The following USP4 variants were observed in gnomAD, a reference collection of about 807,000 sequenced individuals.
USP4 encodes the protein ubiquitin carboxyl-terminal hydrolase 4.
USP4 carries 72 observed loss-of-function variants against 118.2 expected under a neutral mutation model. The observed-to-expected ratio is 0.61, with a 90% CI of 0.50 to 0.74. USP4 has a LOEUF of 0.74. USP4 is among the 30% of genes least tolerant of loss of function. The probability of loss-of-function intolerance (pLI) is 0.00; values close to 1 mark genes in which losing one functional copy is unlikely to be tolerated. For synonymous variants in USP4, 415 were observed against 440.4 expected, an observed-to-expected ratio of 0.94 and a Z score of 0.72; for missense variants, 1,037 against 1,185.7, an observed-to-expected ratio of 0.87 and a Z score of 1.84.
At chr3:49,288,926 A>T (rs2047126180) in intron 15 of USP4, among the ~76,000 whole-genome samples, 1 of 152,098 alleles carries the variant, frequency 6.6e-6, no homozygotes, top group Non-Finnish European at 1.5e-5. Context: ...CCTGGGAAAC[A>T]TGCAGAAACC....
Position 49,298,526 on chromosome 3 carries a change from G to A in USP4, c.1596+26C>T, listed in dbSNP as rs776121887. 1.9e-5 allele frequency: 31 copies of A among 1,609,748 alleles called. 2 individuals are homozygous for A. The highest frequency in any genetic ancestry group is 3.3e-4 in the Middle Eastern group (2 of 6,054). ...TGCTATGAAGTATCCCAAATAGACC[G>A]AGTGCCACTGATCACCCCGCCTTAC... On this transcript the variant is annotated intron_variant, in intron 12 of 21. Coordinates refer to ENST00000265560, the MANE Select transcript of USP4 (RefSeq NM_003363.4).
Position 49,303,146 on chromosome 3 carries a change from C to T in USP4, c.1129-604G>A, listed in dbSNP as rs2047277710. ...AGCACTCCCAGAGATTGTGATGCAT[C>T]CTATGGAGAACCAGCCAGGCACGGT... On this transcript the variant is annotated intron_variant, in intron 9 of 21. Transcript: ENST00000265560. Among the ~76,000 whole-genome samples, 3 of 152,066 alleles carry T rather than the reference C, an allele frequency of 2.0e-5. No homozygotes were observed. In the South Asian group the frequency reaches 6.2e-4, roughly 31 times the overall value.
intron 19 of USP4, among the ~76,000 whole-genome samples, chr3:49,282,564 A>G (rs1396021599): frequency 6.6e-6 from 1 of 152,152 alleles, no homozygotes; most frequent in Admixed American, 6.6e-5. Flanking sequence ...GGTGTGAGCC[A>G]CTGCGCCCAG....
At chr3:49,309,260 G>A (rs2047355138) in intron 8 of USP4, among the ~76,000 whole-genome samples, 1 of 151,986 alleles carries the variant, frequency 6.6e-6, no homozygotes, top group Admixed American at 6.6e-5. Flanking sequence ...GGGTGGTCTT[G>A]GAAACCTGCA....
intron 19 of USP4, among the ~76,000 whole-genome samples, chr3:49,282,795 C>T (rs1449864000): frequency 6.6e-6 from 1 of 151,558 alleles, no homozygotes; most frequent in Non-Finnish European, 1.5e-5. Flanking sequence ...GCAACCTCCG[C>T]CTAGTGGGTT....
At chr3:49,295,069 C>T (rs1418780018) in intron 13 of USP4, among the ~76,000 whole-genome samples, 12 of 152,018 alleles carry the variant, frequency 7.9e-5, no homozygotes, top group Admixed American at 7.9e-4. Flanking sequence ...GCGGGCGGAT[C>T]ACGAGGTCAG....
chr3:49,323,081 C>A (rs950742497), intron 6 of USP4, among the ~76,000 whole-genome samples: 16 of 151,378 alleles, frequency 1.1e-4, no homozygotes, highest in African/African-American at 3.9e-4. Flanking sequence ...GATTCTCCTG[C>A]CTCAGCCTCC....
intron 3 of USP4, among the ~76,000 whole-genome samples, chr3:49,326,260 T>C (rs957335899): frequency 1.3e-5 from 2 of 151,978 alleles, no homozygotes; most frequent in Non-Finnish European, 2.9e-5. Flanking sequence ...GAGGCTGCAG[T>C]GAGCCAAGAT....
chr3:49,323,695 C>T (rs997692188), intron 6 of USP4, among the ~76,000 whole-genome samples: 2 of 152,112 alleles, frequency 1.3e-5, no homozygotes, highest in African/African-American at 4.8e-5. Context: ...GACCTAGGAG[C>T]CCACTACTAT....
intron 2 of USP4, among the ~76,000 whole-genome samples, chr3:49,330,202 A>AC (rs71077790): frequency 2.9e-4 from 43 of 148,876 alleles, no homozygotes; most frequent in Admixed American, 7.4e-4. Flanking sequence ...AAACAAACAA[A>AC]AAAAGTTGAA....
chr3:49,295,714 G>GCACGCA (rs2047199803), intron 13 of USP4, among the ~76,000 whole-genome samples: 1 of 148,320 alleles, frequency 6.7e-6, no homozygotes, highest in Non-Finnish European at 1.5e-5. Flanking sequence ...GCGCGCGCGC[G>GCACGCA]CACACACACA....
At chr3:49,323,972 C>G (rs2047526222) in intron 6 of USP4, among the ~76,000 whole-genome samples, 1 of 152,024 alleles carries the variant, frequency 6.6e-6, no homozygotes, top group African/African-American at 2.4e-5. Flanking sequence ...TGGGCAGAAA[C>G]AGGTAGAATC....
At chr3:49,284,425 G>A (rs370588897) in intron 18 of USP4, 41 bp downstream of exon 18, 2 of 1,525,298 alleles carry the variant, frequency 1.3e-6, no homozygotes, top group Non-Finnish European at 9.1e-7. Flanking sequence ...TGAGTCCTGG[G>A]GTGCATGGGG....
At chr3:49,284,258 C>T in intron 18 of USP4, 122 bp from the exon 19 acceptor site, 2 of 1,353,100 alleles carry the variant, frequency 1.5e-6, no homozygotes, top group Admixed American at 2.1e-5. Context: ...GCACTCAACA[C>T]TACTGCTTCT....
intron 15 of USP4, among the ~76,000 whole-genome samples, chr3:49,288,689 G>GA (rs1193832413): frequency 6.6e-6 from 1 of 151,314 alleles, no homozygotes; most frequent in South Asian, 2.1e-4. Flanking sequence ...AAAAAGAAAA[G>GA]AAAAGAAAAA....
chr3:49,311,905 G>T (rs530585477), intron 6 of USP4: 2 of 1,166,104 alleles, frequency 1.7e-6, no homozygotes, highest in Non-Finnish European at 2.1e-6. Context: ...AGGCTGACCA[G>T]GCGCAGTGGC....
chr3:49,310,503 G>T, intron 8 of USP4, 117 bp downstream of exon 8: 1 of 845,606 alleles, frequency 1.2e-6, no homozygotes, highest in Non-Finnish European at 2.0e-6. Context: ...GACTACTGAA[G>T]CACCAACAAG....
intron 14 of USP4, 59 bp downstream of exon 14, chr3:49,294,348 A>G (rs1559467606): frequency 1.3e-6 from 2 of 1,539,798 alleles, no homozygotes; most frequent in Non-Finnish European, 8.8e-7. Context: ...AGTTGCCACT[A>G]CTATTACTGG....
chr3:49,292,578 A>G lies in USP4; in HGVS notation c.1904T>C (p.Leu635Ser). The change falls in exon 15 of 22, where the codon TTA (leucine) becomes TCA (serine). Residue 635 changes from leucine (L) to serine (S), a missense_variant. This residue lies in a region of USP4 where 522 missense variants were observed against 592.6 expected (regional missense o/e 0.88). Coordinates refer to ENST00000265560, the MANE Select transcript of USP4 (RefSeq NM_003363.4). The part of the protein sequence containing the change: ...DRISRYVKQP[L>S]PDEFGSSPLE... ...GGGTGAGCTGCCAAACTCATCAGGT[A>G]AAGGCTGTTTCACATAGCGGCTTCA... 1 of 1,597,194 alleles carries G rather than the reference A, an allele frequency of 6.3e-7. No homozygotes were observed. Among genetic ancestry groups the G allele is most frequent in the Non-Finnish European group, 8.5e-7 (1 of 1,171,818 alleles).
Sources: gnomAD v4.1 joint callset for allele counts (sites outside exome capture counted in the v4.1 genomes callset) on GRCh38, gnomAD v4.1.1 for gene constraint, gnomAD v4.1.1 regional missense constraint, MANE v1.5 for transcripts, NCBI Gene and HGNC (gene_info 2026-07-23, HGNC 2026-07-21) for gene names.